The following OCA2 variants were observed in gnomAD, a reference collection of about 807,000 sequenced individuals.
OCA2 encodes the protein P protein.
In OCA2, 77 loss-of-function variants were observed where a neutral mutation model predicts 100.2. That is an observed-to-expected ratio of 0.77 (90% CI 0.64 to 0.93). The LOEUF is 0.93. Among genes scored for constraint, OCA2 ranks in the 40% least tolerant of loss-of-function variants. The pLI is 0.00. For synonymous variants in OCA2, 432 were observed against 439.2 expected (o/e 0.98, Z 0.21); for missense variants, 1,062 against 1,089.1 (o/e 0.98, Z 0.35).
intron 14 of OCA2, among the ~76,000 whole-genome samples, chr15:27,977,140 A>G (rs2040994893): frequency 6.6e-6 from 1 of 152,132 alleles, no homozygotes; most frequent in African/African-American, 2.4e-5. Flanking sequence ...AGTAACTTGA[A>G]TCTTCTGTCT....
At chr15:27,796,103 G>A (rs952397302) in intron 23 of OCA2, among the ~76,000 whole-genome samples, 2 of 152,216 alleles carry the variant, frequency 1.3e-5, no homozygotes, top group Admixed American at 6.5e-5. Context: ...AGCCATCCAC[G>A]GTTCTAGCAG....
intron 21 of OCA2, among the ~76,000 whole-genome samples, chr15:27,855,885 G>T (rs540949455): frequency 4.6e-5 from 7 of 152,316 alleles, no homozygotes; most frequent in Middle Eastern, 3.4e-3. Context: ...GAACTGGCAG[G>T]AACTGTCTGA....
chr15:27,865,052 T>C (rs888167928), intron 21 of OCA2, among the ~76,000 whole-genome samples: 43 of 151,816 alleles, frequency 2.8e-4, no homozygotes, highest in African/African-American at 1.0e-3. Context: ...CCTGAACAAA[T>C]GTGAACAGAG....
At chr15:27,892,082 T>C (rs1279690300) in intron 19 of OCA2, among the ~76,000 whole-genome samples, 1 of 152,126 alleles carries the variant, frequency 6.6e-6, no homozygotes, top group Non-Finnish European at 1.5e-5. Flanking sequence ...GAAAAACTGC[T>C]AGAGCTGAAA....
At position 27,891,023 on chromosome 15, in the gene OCA2, C is replaced by CAAAAAAAAAAAAAA. The variant is rs578093435; in HGVS notation, c.2080-19102_2080-19101insTTTTTTTTTTTTTT. 9.8e-3 allele frequency among the ~76,000 whole-genome samples: 1,150 copies of CAAAAAAAAAAAAAA among 117,598 alleles called. 18 individuals are homozygous for CAAAAAAAAAAAAAA. The highest frequency in any genetic ancestry group is 0.031 in the African/African-American group (961 of 31,330). 77.1% of individuals were successfully genotyped at this position (117,598 alleles called of 152,430 possible). A position where few individuals can be genotyped will look rare whatever the true frequency, so the allele number is the denominator to read the frequency against. ...CTGGAGACAGAGTGAGACTCCATCT[C>CAAAAAAAAAAAAAA]AAAAAAAAAAAAAGACAAATTTTGG... On this transcript the variant is annotated intron_variant, in intron 19 of 23. Transcript: ENST00000354638.
intron 9 of OCA2, among the ~76,000 whole-genome samples, chr15:28,002,241 A>G (rs1479397678): frequency 6.6e-6 from 1 of 152,128 alleles, no homozygotes; most frequent in African/African-American, 2.4e-5. Flanking sequence ...TACCTAACCA[A>G]CTTGGATCTT....
intron 14 of OCA2, among the ~76,000 whole-genome samples, chr15:27,981,721 A>T (rs565423452): frequency 1.8e-4 from 27 of 152,232 alleles, no homozygotes; most frequent in Admixed American, 1.6e-3. Context: ...CCCGGGTCTC[A>T]TGTAGTCTCC....
chr15:27,825,760 C>T (rs894993552), intron 23 of OCA2, among the ~76,000 whole-genome samples: 3 of 152,204 alleles, frequency 2.0e-5, no homozygotes, highest in African/African-American at 7.2e-5. Context: ...CAGCTCCTCC[C>T]GGAAGTGTCC....
chr15:27,811,530 C>T (rs917654048), intron 23 of OCA2, among the ~76,000 whole-genome samples: 7 of 151,994 alleles, frequency 4.6e-5, no homozygotes, highest in African/African-American at 1.5e-4. Flanking sequence ...AAAAATTAAA[C>T]GAAAAAACAG....
chr15:27,813,927 T>C (rs2034176949), intron 23 of OCA2, among the ~76,000 whole-genome samples: 1 of 152,256 alleles, frequency 6.6e-6, no homozygotes, highest in South Asian at 2.1e-4. Context: ...ACATAATAGA[T>C]GTACATATTT....
chr15:27,931,000 G>A (rs2039227492), intron 18 of OCA2, among the ~76,000 whole-genome samples: 1 of 152,128 alleles, frequency 6.6e-6, no homozygotes, highest in Non-Finnish European at 1.5e-5. Context: ...GGATCTGATT[G>A]ATAGTTATGT....
At chr15:27,938,388 G>C (rs150941919) in intron 18 of OCA2, among the ~76,000 whole-genome samples, 2 of 152,334 alleles carry the variant, frequency 1.3e-5, no homozygotes, top group South Asian at 4.1e-4. Flanking sequence ...AACTTGCAGA[G>C]GCAAGACTCC....
intron 2 of OCA2, among the ~76,000 whole-genome samples, chr15:28,035,540 A>T (rs1261193051): frequency 6.6e-6 from 1 of 152,222 alleles, no homozygotes; most frequent in Non-Finnish European, 1.5e-5. Context: ...GAAAATAAAA[A>T]TGGTGGTCCA....
At position 27,769,426 on chromosome 15, in the gene OCA2, C is replaced by T. The variant is rs368144256; in HGVS notation, c.2433-13954G>A. ...AGAATAGTGCCCGGAGCGTTTCCAA[C>T]AGAGCCTGGCTTCCAAAAGAAGTGT... is the stretch of plus-strand genomic sequence containing the variant. On this transcript the variant is annotated intron_variant, in intron 23 of 23. Coordinates refer to ENST00000354638, the MANE Select transcript of OCA2 (RefSeq NM_000275.3). Among the ~76,000 whole-genome samples, 34 of 152,308 alleles carry T rather than the reference C, an allele frequency of 2.2e-4. 2 individuals are homozygous for T. Among genetic ancestry groups the T allele is most frequent in the South Asian group, 1.5e-3 (7 of 4,824 alleles).
intron 1 of OCA2, among the ~76,000 whole-genome samples, chr15:28,087,424 T>C (rs1256835961): frequency 6.6e-6 from 1 of 152,132 alleles, no homozygotes; most frequent in Non-Finnish European, 1.5e-5. Flanking sequence ...AATGAAAGAA[T>C]ACATTTTAGA....
chr15:27,928,284 A>G (rs551971221), intron 18 of OCA2, among the ~76,000 whole-genome samples: 58 of 152,336 alleles, frequency 3.8e-4, no homozygotes, highest in African/African-American at 1.3e-3. Flanking sequence ...GAGAAAAGCA[A>G]TGATACCAAA....
At chr15:27,950,064 T>C (rs2039980488) in intron 18 of OCA2, among the ~76,000 whole-genome samples, 1 of 152,228 alleles carries the variant, frequency 6.6e-6, no homozygotes, top group Non-Finnish European at 1.5e-5. Flanking sequence ...AAAAGTTTCA[T>C]AGTAACCAAG....
At chr15:28,000,043 A>G (rs185020975) in intron 9 of OCA2, among the ~76,000 whole-genome samples, 133 of 152,330 alleles carry the variant, frequency 8.7e-4, no homozygotes, top group Admixed American at 1.6e-3. Context: ...TAACTACTCA[A>G]AGCAATCTAC....
intron 17 of OCA2, among the ~76,000 whole-genome samples, chr15:27,954,150 CA>C (rs869282172): frequency 0.024 from 3,525 of 147,802 alleles, 61 homozygotes; most frequent in Non-Finnish European, 0.038. Context: ...CACACACACA[CA>C]CACACACACC....
Sources: gnomAD v4.1 joint callset for allele counts (sites outside exome capture counted in the v4.1 genomes callset) on GRCh38, gnomAD v4.1.1 for gene constraint, MANE v1.5 for transcripts, NCBI Gene and HGNC (gene_info 2026-07-23, HGNC 2026-07-21) for gene names.